CNGB3: variants seen among roughly 807,000 people sequenced by gnomAD.
CNGB3 encodes the protein cyclic nucleotide-gated channel beta-3.
Under a neutral mutation model 92.8 loss-of-function variants are expected in CNGB3, and 86 were observed. The observed-to-expected ratio is 0.93, with a 90% CI of 0.78 to 1.11. The LOEUF (loss-of-function observed/expected upper bound fraction) is 1.11. CNGB3 is among the 50% of genes least tolerant of loss of function. The probability of loss-of-function intolerance (pLI) is 0.00; values close to 1 mark genes in which losing one functional copy is unlikely to be tolerated. For synonymous variants in CNGB3, 333 were observed against 332.7 expected (o/e 1.00, Z -0.01); for missense variants, 1,026 against 956.8 (o/e 1.07, Z -0.95).
At chr8:86,593,891 C>T (rs1585955940) in intron 15 of CNGB3, 1 of 634,474 alleles carries the variant, frequency 1.6e-6, no homozygotes. Flanking sequence ...CTTGCTGCAC[C>T]ACTGCTGGTA....
intron 15 of CNGB3, among the ~76,000 whole-genome samples, chr8:86,580,538 A>C (rs2131534088): frequency 6.6e-6 from 1 of 152,314 alleles, no homozygotes; most frequent in East Asian, 1.9e-4. Flanking sequence ...CAGTGTCATA[A>C]GCTGCTCTAT....
chr8:86,677,588 C>T (rs965519449), intron 3 of CNGB3, among the ~76,000 whole-genome samples: 1 of 152,034 alleles, frequency 6.6e-6, no homozygotes, highest in Non-Finnish European at 1.5e-5. Flanking sequence ...GAAGTCACAA[C>T]CTTGGAATTT....
chr8:86,682,565 C>A (rs1824101619), intron 3 of CNGB3, among the ~76,000 whole-genome samples: 1 of 152,058 alleles, frequency 6.6e-6, no homozygotes, highest in Non-Finnish European at 1.5e-5. Context: ...TGGCTGGGGT[C>A]TGGAGATGAA....
chr8:86,616,326 A>G (rs1822622166), intron 13 of CNGB3, among the ~76,000 whole-genome samples: 1 of 152,202 alleles, frequency 6.6e-6, no homozygotes, highest in South Asian at 2.1e-4. Flanking sequence ...TTATGAAAAG[A>G]TGCCACTAGC....
intron 14 of CNGB3, among the ~76,000 whole-genome samples, chr8:86,608,543 C>T (rs1275712938): frequency 2.0e-5 from 3 of 152,206 alleles, no homozygotes; most frequent in South Asian, 2.1e-4. Flanking sequence ...CAGGCTCACC[C>T]GCAGTTATCC....
intron 11 of CNGB3, 121 bp downstream of exon 11, chr8:86,632,631 A>C: frequency 2.0e-6 from 2 of 1,015,470 alleles, no homozygotes; most frequent in Non-Finnish European, 3.0e-6. Context: ...AAATAGAAGA[A>C]AGTTAGTTCA....
At chr8:86,638,023 TGA>T (rs2131589961) in intron 10 of CNGB3, among the ~76,000 whole-genome samples, 1 of 152,208 alleles carries the variant, frequency 6.6e-6, no homozygotes, top group South Asian at 2.1e-4. Context: ...AGTATGGTTT[TGA>T]GAGTTATTTA....
intron 13 of CNGB3, among the ~76,000 whole-genome samples, chr8:86,612,714 G>T (rs140450993): frequency 6.6e-6 from 1 of 152,316 alleles, no homozygotes; most frequent in Non-Finnish European, 1.5e-5. Flanking sequence ...GTAGCCATTG[G>T]TGAGAAGCAT....
intron 3 of CNGB3, among the ~76,000 whole-genome samples, chr8:86,678,915 T>A (rs1026536156): frequency 1.3e-5 from 2 of 152,158 alleles, no homozygotes; most frequent in Non-Finnish European, 2.9e-5. Flanking sequence ...ATAAACATAG[T>A]CATAATACTA....
chr8:86,686,816 A>G (rs913386138), intron 3 of CNGB3, among the ~76,000 whole-genome samples: 1 of 152,056 alleles, frequency 6.6e-6, no homozygotes. Flanking sequence ...GGAGAAAGGT[A>G]TATTGCTTTT....
At chr8:86,603,715 A>G (rs1052965880) in intron 15 of CNGB3, among the ~76,000 whole-genome samples, 5 of 152,210 alleles carry the variant, frequency 3.3e-5, no homozygotes, top group Non-Finnish European at 7.3e-5. Flanking sequence ...TCCCACAGCT[A>G]TGATCACATC....
At chr8:86,635,864 A>T (rs1823060645) in intron 10 of CNGB3, among the ~76,000 whole-genome samples, 1 of 48,448 alleles carries the variant, frequency 2.1e-5, no homozygotes, top group Non-Finnish European at 3.7e-5. Context: ...ATATATATAT[A>T]CACATACACA....
Position 86,669,142 on chromosome 8 carries a change from G to C in CNGB3, c.494-974C>G, listed in dbSNP as rs184479820. Among the ~76,000 whole-genome samples, 14 of 152,070 alleles carry C rather than the reference G, an allele frequency of 9.2e-5. No homozygotes were observed. In the East Asian group the frequency reaches 2.7e-3, roughly 29 times the overall value. On this transcript the variant is annotated intron_variant, in intron 4 of 17. Coordinates refer to ENST00000320005, the MANE Select transcript of CNGB3 (RefSeq NM_019098.5). ...AGCTCATTGTAACTCCAATATTACA[G>C]GAAATAAATTTTAAAAAATGAAAAA...
At chr8:86,690,492 C>T (rs1403200984) in intron 3 of CNGB3, among the ~76,000 whole-genome samples, 1 of 152,066 alleles carries the variant, frequency 6.6e-6, no homozygotes, top group African/African-American at 2.4e-5. Context: ...CAAAAATTTT[C>T]TCCCATTCTG....
At chr8:86,704,881 T>C (rs556617251) in intron 3 of CNGB3, among the ~76,000 whole-genome samples, 2 of 152,324 alleles carry the variant, frequency 1.3e-5, no homozygotes, top group African/African-American at 4.8e-5. Context: ...CCGTCTATTT[T>C]TTTCTTTTTT....
At chr8:86,635,085 A>G (rs1425591766) in intron 10 of CNGB3, among the ~76,000 whole-genome samples, 1 of 152,002 alleles carries the variant, frequency 6.6e-6, no homozygotes, top group Non-Finnish European at 1.5e-5. Flanking sequence ...ATTTTTTTCT[A>G]GCAGTCTTCC....
chr8:86,707,194 T>A (rs1353927300), intron 3 of CNGB3, among the ~76,000 whole-genome samples: 17 of 152,198 alleles, frequency 1.1e-4, no homozygotes, highest in Non-Finnish European at 5.9e-5. Flanking sequence ...GCCTATTATA[T>A]GCCAGAAAGT....
At chr8:86,593,108 A>G (rs961085625) in intron 15 of CNGB3, among the ~76,000 whole-genome samples, 51 of 152,356 alleles carry the variant, frequency 3.3e-4, no homozygotes, top group African/African-American at 1.2e-3. Context: ...ATGTCTGCAC[A>G]TACAGATTTT....
intron 6 of CNGB3, chr8:86,659,349 G>A (rs545886740): frequency 1.8e-6 from 2 of 1,099,464 alleles, no homozygotes; most frequent in Non-Finnish European, 2.8e-6. Context: ...CTGCTGGTTA[G>A]CATCAGGGGG....
Sources: allele counts gnomAD v4.1 joint callset (sites outside exome capture counted in the v4.1 genomes callset), GRCh38; gene constraint gnomAD v4.1.1; transcripts MANE v1.5; gene names NCBI Gene and HGNC (gene_info 2026-07-23, HGNC 2026-07-21).